ZBBX: variants seen among roughly 807,000 people sequenced by gnomAD.
ZBBX encodes the protein zinc finger B-box domain-containing protein 1.
ZBBX carries 101 observed loss-of-function variants against 108.5 expected under a neutral mutation model. The observed-to-expected ratio is 0.93, with a 90% CI of 0.79 to 1.10. The LOEUF (loss-of-function observed/expected upper bound fraction) is 1.10, where lower values mean the gene tolerates loss of function less well. Ranked by LOEUF, ZBBX falls within the 50% of genes least tolerant of loss-of-function variation. The probability of loss-of-function intolerance (pLI) is 0.00; values close to 1 mark genes in which losing one functional copy is unlikely to be tolerated. For missense variants in ZBBX, 1,009 were observed against 941.4 expected, an observed-to-expected ratio of 1.07 and a Z score of -0.94; for synonymous variants, 356 against 323.4, an observed-to-expected ratio of 1.10 and a Z score of -1.08.
At chr3:167,324,167 T>C (rs1006985810) in intron 11 of ZBBX, among the ~76,000 whole-genome samples, 1 of 152,032 alleles carries the variant, frequency 6.6e-6, no homozygotes, top group African/African-American at 2.4e-5. Flanking sequence ...TTCTTTGTGA[T>C]AGGCTCTCAC....
At position 167,240,879 on chromosome 3, in the gene ZBBX, G is replaced by C; in HGVS notation, c.2434C>G (p.Leu812Val). The C allele has an allele frequency of 6.2e-7, 1 of 1,613,498 alleles. No homozygotes were observed. The highest frequency in any genetic ancestry group is 1.1e-5 in the South Asian group (1 of 91,068). ...TCCTCATCTGTACTGCTCTCAGAAA[G>C]TGACAGCAAAGACTGAATTTTGGTA... ...RDTKIQSLLS[L>V]SESSTDEEEE... is the part of the protein sequence containing the mutation. Residue 812 changes from leucine (L) to valine (V), a missense_variant, in exon 22 of 22, where the codon CTT becomes GTT. Coordinates refer to ENST00000675490, the MANE Select transcript of ZBBX (RefSeq NM_001199201.2).
At chr3:167,400,776 T>C (rs971473952) in intron 1 of ZBBX, among the ~76,000 whole-genome samples, 2 of 151,992 alleles carry the variant, frequency 1.3e-5, no homozygotes, top group African/African-American at 2.4e-5. Context: ...AAGATGAACA[T>C]TGATTGGTCC....
At chr3:167,347,017 G>GA (rs1741591200) in intron 9 of ZBBX, among the ~76,000 whole-genome samples, 1 of 151,706 alleles carries the variant, frequency 6.6e-6, no homozygotes, top group African/African-American at 2.4e-5. Flanking sequence ...TTCTGAGGGG[G>GA]AATATATCAT....
the ZBBX span, among the ~76,000 whole-genome samples, chr3:167,183,283 T>C: frequency 1.3e-5 from 2 of 152,198 alleles, no homozygotes; most frequent in Non-Finnish European, 2.9e-5. Flanking sequence ...ATTACCCTGA[T>C]GTTTCCAAGC....
At chr3:167,229,047 C>T in the ZBBX span, among the ~76,000 whole-genome samples, 1 of 151,772 alleles carries the variant, frequency 6.6e-6, no homozygotes, top group Admixed American at 6.6e-5. Flanking sequence ...TGATGGCAAA[C>T]CTTAAGATAA....
At chr3:167,196,274 T>A in the ZBBX span, among the ~76,000 whole-genome samples, 1 of 152,198 alleles carries the variant, frequency 6.6e-6, no homozygotes, top group African/African-American at 2.4e-5. Context: ...GTGAAACCAA[T>A]TCTATTTCAT....
intron 9 of ZBBX, among the ~76,000 whole-genome samples, chr3:167,348,415 G>A (rs1274567342): frequency 9.6e-6 from 1 of 104,656 alleles, no homozygotes; most frequent in Non-Finnish European, 2.0e-5. Flanking sequence ...AGGAGAGAGA[G>A]AAAGAGAAGA....
rs62279780 is a variant in ZBBX at position 167,348,294 on chromosome 3, A to G, written c.528+2126T>C. On this transcript the variant is annotated intron_variant, in intron 9 of 21. Coordinates refer to ENST00000675490, the MANE Select transcript of ZBBX (RefSeq NM_001199201.2). ...AGGAAGGAAGGAAGGAAGGAAGGAA[A>G]GAAGAAAGAGAGAAAGAAAGAGAAA... Among the ~76,000 whole-genome samples, 407 of 62,988 alleles carry G rather than the reference A, an allele frequency of 6.5e-3. 1 individual carries two copies. Among genetic ancestry groups the G allele is most frequent in the East Asian group, 0.022 (26 of 1,158 alleles). 41.3% of individuals were successfully genotyped at this position (62,988 alleles called of 152,430 possible). A position where few individuals can be genotyped will look rare whatever the true frequency, so the allele number is the denominator to read the frequency against.
the ZBBX span, among the ~76,000 whole-genome samples, chr3:167,221,491 A>G: frequency 6.6e-6 from 1 of 151,936 alleles, no homozygotes; most frequent in Admixed American, 6.6e-5. Flanking sequence ...TTAGACTCCT[A>G]TCTCTTGTTG....
intron 17 of ZBBX, among the ~76,000 whole-genome samples, chr3:167,302,479 T>G (rs1732874938): frequency 6.6e-6 from 1 of 152,128 alleles, no homozygotes; most frequent in African/African-American, 2.4e-5. Context: ...TTGCCTTTAC[T>G]CTGAAATTCC....
At chr3:167,314,171 G>T in intron 15 of ZBBX, 55 bp from the exon 16 acceptor site, 1 of 1,474,486 alleles carries the variant, frequency 6.8e-7, no homozygotes, top group East Asian at 2.4e-5. Flanking sequence ...ATTTTAAAAA[G>T]AAAATTTTAA....
At chr3:167,342,935 G>A (rs1464315978) in intron 9 of ZBBX, among the ~76,000 whole-genome samples, 1 of 151,720 alleles carries the variant, frequency 6.6e-6, no homozygotes, top group Non-Finnish European at 1.5e-5. Flanking sequence ...AAGATGTGCA[G>A]TTTTTATCTA....
intron 17 of ZBBX, among the ~76,000 whole-genome samples, chr3:167,302,211 T>C (rs1454704574): frequency 6.6e-6 from 1 of 152,122 alleles, no homozygotes; most frequent in African/African-American, 2.4e-5. Context: ...TCAAAATATG[T>C]TCTTTAAACT....
chr3:167,405,005 G>T (rs558366710), intron 1 of ZBBX, among the ~76,000 whole-genome samples: 3 of 152,284 alleles, frequency 2.0e-5, no homozygotes, highest in Non-Finnish European at 4.4e-5. Context: ...CTGATACAAG[G>T]GAGAGGTGGC....
chr3:167,184,706 GC>G, the ZBBX span, among the ~76,000 whole-genome samples: 4 of 152,006 alleles, frequency 2.6e-5, no homozygotes, highest in Admixed American at 6.6e-5. Flanking sequence ...ACCTCCGAAA[GC>G]AGTACCAGCA....
the ZBBX span, among the ~76,000 whole-genome samples, chr3:167,187,321 G>A: frequency 6.6e-6 from 1 of 152,158 alleles, no homozygotes; most frequent in African/African-American, 2.4e-5. Context: ...TTCTACGTGA[G>A]AATTTTACTA....
chr3:167,392,374 G>A (rs1482967376), intron 1 of ZBBX, among the ~76,000 whole-genome samples: 4 of 151,840 alleles, frequency 2.6e-5, no homozygotes, highest in Admixed American at 6.6e-5. Context: ...TTATGTGCAA[G>A]TCTTTGTGTG....
chr3:167,307,698 A>T (rs1056569201), intron 16 of ZBBX, among the ~76,000 whole-genome samples: 6 of 152,222 alleles, frequency 3.9e-5, no homozygotes, highest in Non-Finnish European at 8.8e-5. Context: ...AACCTGACAA[A>T]AACAAGCAAT....
chr3:167,300,634 G>A (rs1732492077), intron 17 of ZBBX, among the ~76,000 whole-genome samples: 1 of 141,030 alleles, frequency 7.1e-6, no homozygotes, highest in Admixed American at 7.3e-5. Context: ...TACGAGATAA[G>A]AGTCTCACCC....
Sources: allele counts gnomAD v4.1 joint callset (sites outside exome capture counted in the v4.1 genomes callset), GRCh38; gene constraint gnomAD v4.1.1; transcripts MANE v1.5; gene names NCBI Gene and HGNC (gene_info 2026-07-23, HGNC 2026-07-21).